Variants in SIPA1L1 observed in about 807,000 individuals in gnomAD.
The protein encoded by SIPA1L1 is signal induced proliferation associated 1 like 1.
Under a neutral mutation model 162.7 loss-of-function variants are expected in SIPA1L1, and 26 were observed. That is an observed-to-expected ratio of 0.16 (90% CI 0.12 to 0.22). SIPA1L1 has a LOEUF of 0.22. Among genes scored for constraint, SIPA1L1 ranks in the 10% least tolerant of loss-of-function variants. The pLI is 1.00. For synonymous variants in SIPA1L1, 829 were observed against 837.4 expected (o/e 0.99, Z 0.17); for missense variants, 1,874 against 2,241.0 (o/e 0.84, Z 3.31).
chr14:71,710,752 G>T (rs2082811505), intron 17 of SIPA1L1, among the ~76,000 whole-genome samples: 1 of 145,498 alleles, frequency 6.9e-6, no homozygotes, highest in African/African-American at 2.6e-5. Context: ...AGGTTGCGGT[G>T]AGCCAAGATC....
rs1324992705 is a variant in SIPA1L1, at chr14:71,709,814, G to A, written c.4208+150G>A. 6 of 628,008 alleles carry A rather than the reference G, an allele frequency of 9.6e-6. No homozygotes were observed. In the East Asian group the frequency reaches 1.7e-4, roughly 18 times the overall value. The allele number at this position is 628,008 out of a possible 1,614,324, so 38.9% of individuals were successfully genotyped here. ...TTTATATGTTTAATGCCCTTTATTT[G>A]CCTTCAAAATACTTTAATCCTGCAA... is the stretch of plus-strand genomic sequence containing the variant. On this transcript the variant is annotated intron_variant, in intron 17 of 23. Coordinates refer to ENST00000381232, the MANE Select transcript of SIPA1L1 (RefSeq NM_001386936.1).
intron 21 of SIPA1L1, among the ~76,000 whole-genome samples, chr14:71,734,717 G>A (rs2085124677): frequency 6.6e-6 from 1 of 152,218 alleles, no homozygotes; most frequent in Non-Finnish European, 1.5e-5. Context: ...TGATTTTTCA[G>A]TGTGTTGGTT....
At chr14:71,572,295 G>A (rs2032220279) in intron 4 of SIPA1L1, among the ~76,000 whole-genome samples, 1 of 152,248 alleles carries the variant, frequency 6.6e-6, no homozygotes, top group South Asian at 2.1e-4. Context: ...GTGTTGGAGG[G>A]TACAAATATT....
intron 2 of SIPA1L1, among the ~76,000 whole-genome samples, chr14:71,430,576 G>A (rs1011942636): frequency 1.3e-5 from 2 of 152,210 alleles, no homozygotes; most frequent in Admixed American, 1.3e-4. Flanking sequence ...TAGGAAACAA[G>A]CTGCACGGGA....
chr14:71,668,722 G>A (rs1353317095), intron 10 of SIPA1L1, among the ~76,000 whole-genome samples: 2 of 152,168 alleles, frequency 1.3e-5, no homozygotes, highest in African/African-American at 4.8e-5. Flanking sequence ...ACCCTGCTGA[G>A]TAGAACATTC....
At chr14:71,710,072 C>T (rs1280291759) in intron 17 of SIPA1L1, among the ~76,000 whole-genome samples, 3 of 152,190 alleles carry the variant, frequency 2.0e-5, no homozygotes, top group Non-Finnish European at 2.9e-5. Flanking sequence ...TTCTGAGTAA[C>T]AGAGCATCGT....
At chr14:71,541,067 G>T (rs1227396229) in intron 4 of SIPA1L1, among the ~76,000 whole-genome samples, 1 of 152,076 alleles carries the variant, frequency 6.6e-6, no homozygotes, top group East Asian at 1.9e-4. Context: ...GGTGGAGGTT[G>T]CAGTGAGCCA....
At chr14:71,622,704 A>C (rs2039573157) in intron 6 of SIPA1L1, among the ~76,000 whole-genome samples, 1 of 152,204 alleles carries the variant, frequency 6.6e-6, no homozygotes, top group Admixed American at 6.5e-5. Context: ...GAAAAAAGGT[A>C]CTCATTCTAA....
chr14:71,523,430 C>A (rs1275881453), intron 3 of SIPA1L1, among the ~76,000 whole-genome samples: 1 of 151,718 alleles, frequency 6.6e-6, no homozygotes, highest in African/African-American at 2.4e-5. Flanking sequence ...TTCCATCTAC[C>A]CTTTGCCCAC....
chr14:71,482,587 CTG>C (rs747613775), intron 2 of SIPA1L1, among the ~76,000 whole-genome samples: 2 of 152,198 alleles, frequency 1.3e-5, no homozygotes, highest in Non-Finnish European at 2.9e-5. Context: ...CTCATTAAAT[CTG>C]TGCCGGGGAC....
chr14:71,446,883 A>C (rs2045388771), intron 2 of SIPA1L1, among the ~76,000 whole-genome samples: 2 of 134,602 alleles, frequency 1.5e-5, no homozygotes, highest in Admixed American at 1.5e-4. Context: ...AAATAAAGAG[A>C]GATGGGCTCT....
intron 13 of SIPA1L1, among the ~76,000 whole-genome samples, chr14:71,696,869 G>T (rs1392929116): frequency 2.0e-5 from 3 of 152,218 alleles, no homozygotes; most frequent in Admixed American, 2.0e-4. Context: ...TATGATGTTG[G>T]CATCAGGCCT....
intron 2 of SIPA1L1, among the ~76,000 whole-genome samples, chr14:71,474,859 A>G (rs1202313412): frequency 6.6e-6 from 1 of 152,210 alleles, no homozygotes; most frequent in African/African-American, 2.4e-5. Flanking sequence ...CAGCCTGAAA[A>G]AAAACCCTTA....
At chr14:71,472,330 T>G (rs1435808826) in intron 2 of SIPA1L1, among the ~76,000 whole-genome samples, 1 of 151,272 alleles carries the variant, frequency 6.6e-6, no homozygotes, top group Non-Finnish European at 1.5e-5. Flanking sequence ...GTTAAATACT[T>G]TGGAAAGCTT....
At chr14:71,711,027 G>A (rs2082840312) in intron 17 of SIPA1L1, among the ~76,000 whole-genome samples, 2 of 152,038 alleles carry the variant, frequency 1.3e-5, no homozygotes, top group South Asian at 4.2e-4. Context: ...ACTTATCATT[G>A]AGCTTCCCTT....
At chr14:71,487,588 T>C (rs937205344) in intron 2 of SIPA1L1, among the ~76,000 whole-genome samples, 1 of 152,096 alleles carries the variant, frequency 6.6e-6, no homozygotes, top group African/African-American at 2.4e-5. Context: ...TGAGTGTGCA[T>C]GGGTGAGCAG....
chr14:71,433,890 C>T lies in SIPA1L1; in HGVS notation c.-464-78853C>T, dbSNP rs184176099. On this transcript the variant is annotated intron_variant, in intron 2 of 23. Coordinates refer to ENST00000381232, the MANE Select transcript of SIPA1L1 (RefSeq NM_001386936.1). ...ATTATATCTTATCTATCTTTATATTCTCTACAGCCCCTAGCACAGAGCAAA... is the reference window on the plus strand; with the variant it reads ...ATTATATCTTATCTATCTTTATATTTTCTACAGCCCCTAGCACAGAGCAAA... Among the ~76,000 whole-genome samples, 3 of 152,270 alleles carry T rather than the reference C, an allele frequency of 2.0e-5. No homozygotes were observed. In the East Asian group the frequency reaches 5.8e-4, roughly 29 times the overall value.
At chr14:71,371,085 G>A (rs1333478494) in intron 2 of SIPA1L1, among the ~76,000 whole-genome samples, 1 of 152,080 alleles carries the variant, frequency 6.6e-6, no homozygotes, top group Non-Finnish European at 1.5e-5. Flanking sequence ...TTAAATAACA[G>A]GATGACCTTG....
intron 2 of SIPA1L1, among the ~76,000 whole-genome samples, chr14:71,465,916 G>A (rs1188822426): frequency 6.6e-6 from 1 of 152,176 alleles, no homozygotes; most frequent in Non-Finnish European, 1.5e-5. Flanking sequence ...GGCTAGGCCA[G>A]TCTCGCCTTT....
Sources: gnomAD v4.1 joint callset for allele counts (sites outside exome capture counted in the v4.1 genomes callset) on GRCh38, gnomAD v4.1.1 for gene constraint, MANE v1.5 for transcripts, NCBI Gene and HGNC (gene_info 2026-07-23, HGNC 2026-07-21) for gene names.